The following RIMS1 variants were observed in gnomAD, a reference collection of about 807,000 sequenced individuals.
RIMS1 encodes the protein regulating synaptic membrane exocytosis protein 1.
In RIMS1, 83 loss-of-function variants were observed where a neutral mutation model predicts 214.1. The observed-to-expected ratio is 0.39, with a 90% confidence interval of 0.32 to 0.47. RIMS1 has a LOEUF of 0.47. Ranked by LOEUF, RIMS1 falls within the 20% of genes least tolerant of loss-of-function variation. RIMS1 has a pLI of 0.99. For synonymous variants in RIMS1, 793 were observed against 786.8 expected (o/e 1.01, Z -0.13); for missense variants, 2,050 against 2,161.8 (o/e 0.95, Z 1.03).
intron 2 of RIMS1, among the ~76,000 whole-genome samples, chr6:71,997,735 G>C (rs1203301638): frequency 6.6e-6 from 1 of 152,154 alleles, no homozygotes; most frequent in East Asian, 1.9e-4. Context: ...GTTCTTATAA[G>C]AGAAGCTGGC....
intron 33 of RIMS1, 106 bp downstream of exon 33, chr6:72,399,200 A>G (rs2098812364): frequency 1.1e-6 from 1 of 917,420 alleles, no homozygotes; most frequent in South Asian, 3.5e-5. Flanking sequence ...AGATAAATGT[A>G]GGATAATATT....
chr6:72,038,004 C>G (rs994390806), intron 2 of RIMS1, among the ~76,000 whole-genome samples: 2 of 142,482 alleles, frequency 1.4e-5, no homozygotes, highest in Admixed American at 1.4e-4. Flanking sequence ...AGCGTTTCTT[C>G]AGTTATTGAT....
At chr6:72,350,418 G>A (rs1387859146) in intron 29 of RIMS1, among the ~76,000 whole-genome samples, 2 of 152,082 alleles carry the variant, frequency 1.3e-5, no homozygotes, top group African/African-American at 4.8e-5. Flanking sequence ...CCTTTCTGCT[G>A]ATGGCACTGG....
At chr6:71,982,090 GGGA>G (rs1206556465) in intron 2 of RIMS1, among the ~76,000 whole-genome samples, 1 of 152,104 alleles carries the variant, frequency 6.6e-6, no homozygotes, top group African/African-American at 2.4e-5. Flanking sequence ...TGGAGGATCA[GGGA>G]GGAGAATAAA....
At chr6:72,335,401 G>C (rs770075317) in intron 29 of RIMS1, among the ~76,000 whole-genome samples, 1 of 151,504 alleles carries the variant, frequency 6.6e-6, no homozygotes, top group South Asian at 2.1e-4. Flanking sequence ...CCTGCAAAGG[G>C]CTTCATCCTT....
intron 4 of RIMS1, among the ~76,000 whole-genome samples, chr6:72,140,778 G>A (rs562075139): frequency 6.0e-4 from 91 of 151,968 alleles, no homozygotes; most frequent in Non-Finnish European, 1.1e-3. Context: ...GTTCAATTTC[G>A]TATTTCTGTC....
intron 2 of RIMS1, among the ~76,000 whole-genome samples, chr6:71,976,065 G>T (rs1033909175): frequency 2.6e-5 from 4 of 152,056 alleles, no homozygotes; most frequent in African/African-American, 9.7e-5. Context: ...ATTCTCTTGA[G>T]TATATACCTA....
chr6:72,075,917 T>C (rs1380411023), intron 2 of RIMS1, among the ~76,000 whole-genome samples: 1 of 152,218 alleles, frequency 6.6e-6, no homozygotes, highest in East Asian at 1.9e-4. Flanking sequence ...GACTAGACCT[T>C]TAACATATTC....
chr6:71,890,260 T>G (rs1769223199), intron 1 of RIMS1, among the ~76,000 whole-genome samples: 1 of 152,110 alleles, frequency 6.6e-6, no homozygotes, highest in Admixed American at 6.5e-5. Context: ...AAGAATTCGT[T>G]TTGTTGGCAA....
chr6:72,282,008 T>A (rs1363888281), intron 23 of RIMS1, among the ~76,000 whole-genome samples: 1 of 151,910 alleles, frequency 6.6e-6, no homozygotes, highest in Non-Finnish European at 1.5e-5. Context: ...CAGTGCCTAG[T>A]ATATATACAT....
intron 2 of RIMS1, among the ~76,000 whole-genome samples, chr6:72,051,801 CTAAT>C (rs1299503852): frequency 1.3e-5 from 2 of 151,932 alleles, no homozygotes; most frequent in Non-Finnish European, 2.9e-5. Flanking sequence ...CTTCTGTTGT[CTAAT>C]TAACTACAAA....
At chr6:72,006,461 G>A (rs1362532169) in intron 2 of RIMS1, among the ~76,000 whole-genome samples, 1 of 152,180 alleles carries the variant, frequency 6.6e-6, no homozygotes, top group Admixed American at 6.5e-5. Context: ...TCATCTACTG[G>A]GGAGTGTTGG....
intron 4 of RIMS1, among the ~76,000 whole-genome samples, chr6:72,170,917 A>G (rs1411608556): frequency 6.6e-6 from 1 of 152,198 alleles, no homozygotes; most frequent in Non-Finnish European, 1.5e-5. Flanking sequence ...TATGTGTCAA[A>G]CACAGTTTTG....
At chr6:72,190,851 G>T (rs148726804) in intron 6 of RIMS1, among the ~76,000 whole-genome samples, 1 of 152,164 alleles carries the variant, frequency 6.6e-6, no homozygotes, top group African/African-American at 2.4e-5. Context: ...TTCAGGTTGC[G>T]TGGTGACTTG....
intron 4 of RIMS1, among the ~76,000 whole-genome samples, chr6:72,128,231 T>C (rs990549624): frequency 6.6e-6 from 1 of 152,126 alleles, no homozygotes; most frequent in Admixed American, 6.5e-5. Context: ...GCAAAAGTCT[T>C]ATTTAACCTT....
At chr6:72,312,593 G>A (rs536974331) in intron 27 of RIMS1, among the ~76,000 whole-genome samples, 1 of 151,874 alleles carries the variant, frequency 6.6e-6, no homozygotes, top group African/African-American at 2.4e-5. Flanking sequence ...AAATTTAAAG[G>A]CATCTTTGAA....
At chr6:72,030,302 A>G (rs1320999475) in intron 2 of RIMS1, among the ~76,000 whole-genome samples, 1 of 152,144 alleles carries the variant, frequency 6.6e-6, no homozygotes, top group Non-Finnish European at 1.5e-5. Context: ...TGCTAAAATT[A>G]TTTTACTTGA....
intron 1 of RIMS1, among the ~76,000 whole-genome samples, chr6:71,902,146 AAG>A (rs1252925127): frequency 6.6e-6 from 1 of 152,112 alleles, no homozygotes; most frequent in African/African-American, 2.4e-5. Flanking sequence ...GTTTGAATAA[AAG>A]AGAGAGTGTA....
At chr6:72,221,850 T>C (rs936187442) in intron 6 of RIMS1, among the ~76,000 whole-genome samples, 2 of 152,040 alleles carry the variant, frequency 1.3e-5, no homozygotes, top group Non-Finnish European at 2.9e-5. Flanking sequence ...TCAATCCTGC[T>C]GTGATCAATA....
Sources: allele counts gnomAD v4.1 joint callset (sites outside exome capture counted in the v4.1 genomes callset), GRCh38; gene constraint gnomAD v4.1.1; transcripts MANE v1.5; gene names NCBI Gene and HGNC (gene_info 2026-07-23, HGNC 2026-07-21).